Variants in HHAT observed in about 807,000 individuals in gnomAD.
HHAT encodes protein-cysteine N-palmitoyltransferase HHAT.
In HHAT, 47 loss-of-function variants were observed where a neutral mutation model predicts 70.8. The observed-to-expected ratio is 0.66, with a 90% CI of 0.53 to 0.85. The LOEUF is 0.85. Among genes scored for constraint, HHAT ranks in the 40% least tolerant of loss-of-function variants. The pLI is 0.00. For synonymous variants in HHAT, 228 were observed against 247.6 expected (o/e 0.92, Z 0.74); for missense variants, 609 against 604.8 (o/e 1.01, Z -0.07).
intron 11 of HHAT, among the ~76,000 whole-genome samples, chr1:210,659,023 AAG>A (rs1307817696): frequency 6.6e-6 from 1 of 152,006 alleles, no homozygotes; most frequent in Non-Finnish European, 1.5e-5. Flanking sequence ...TCACAATTAA[AAG>A]AACTAGAGAA....
intron 8 of HHAT, among the ~76,000 whole-genome samples, chr1:210,506,356 A>G (rs2094854396): frequency 6.6e-6 from 1 of 152,148 alleles, no homozygotes; most frequent in Non-Finnish European, 1.5e-5. Context: ...CGAACTTGGA[A>G]ACTTGAGGCT....
intron 9 of HHAT, among the ~76,000 whole-genome samples, chr1:210,523,395 A>T (rs55726579): frequency 0.12 from 18,280 of 152,176 alleles, 1,439 homozygotes; most frequent in South Asian, 0.25. Flanking sequence ...TTCTCTGTGC[A>T]GCCTTCCTCT....
chr1:210,656,116 A>T (rs1367834251), intron 11 of HHAT, among the ~76,000 whole-genome samples: 2 of 152,146 alleles, frequency 1.3e-5, no homozygotes, highest in Non-Finnish European at 2.9e-5. Context: ...ATCTCCTGTC[A>T]CTTCCATCCA....
At chr1:210,477,550 G>A (rs1417120820) in intron 8 of HHAT, among the ~76,000 whole-genome samples, 4 of 152,290 alleles carry the variant, frequency 2.6e-5, no homozygotes, top group African/African-American at 7.2e-5. Context: ...TTACATAGGA[G>A]AGCTGACCTA....
chr1:210,547,270 G>A (rs970779748), intron 9 of HHAT, among the ~76,000 whole-genome samples: 1 of 152,182 alleles, frequency 6.6e-6, no homozygotes, highest in African/African-American at 2.4e-5. Context: ...AGGTTGTGGT[G>A]AGCTGAGATC....
chr1:210,332,381 A>G (rs1253468586), intron 1 of HHAT, among the ~76,000 whole-genome samples: 2 of 152,254 alleles, frequency 1.3e-5, no homozygotes, highest in Non-Finnish European at 2.9e-5. Flanking sequence ...ACTGTATCAC[A>G]AAAAAACAAG....
At chr1:210,377,814 A>G (rs960338131) in intron 3 of HHAT, among the ~76,000 whole-genome samples, 1 of 152,178 alleles carries the variant, frequency 6.6e-6, no homozygotes, top group Non-Finnish European at 1.5e-5. Context: ...GAGGCTGGGA[A>G]TGGTACACAG....
intron 9 of HHAT, among the ~76,000 whole-genome samples, chr1:210,543,214 T>C (rs2095448359): frequency 6.6e-6 from 1 of 152,128 alleles, no homozygotes; most frequent in East Asian, 1.9e-4. Context: ...TAAATGTGGG[T>C]TAACAGAGGC....
intron 11 of HHAT, among the ~76,000 whole-genome samples, chr1:210,631,377 C>A (rs1670831369): frequency 6.6e-6 from 1 of 152,208 alleles, no homozygotes; most frequent in South Asian, 2.1e-4. Context: ...AAGAGTCAGA[C>A]CTTCCAGCCT....
chr1:210,516,250 C>T (rs1340248793), intron 9 of HHAT, among the ~76,000 whole-genome samples: 3 of 152,030 alleles, frequency 2.0e-5, no homozygotes, highest in Non-Finnish European at 4.4e-5. Context: ...GCAGCAGCTC[C>T]TTTAAGAAGA....
At chr1:210,471,470 T>C (rs79466560) in intron 8 of HHAT, among the ~76,000 whole-genome samples, 14,207 of 151,706 alleles carry the variant, frequency 0.094, 902 homozygotes, top group Middle Eastern at 0.17. Context: ...CAGACTTGGC[T>C]AGGAGAGAGG....
chr1:210,491,079 GTGTGTGTC>G (rs902348867), intron 8 of HHAT, among the ~76,000 whole-genome samples: 2 of 151,426 alleles, frequency 1.3e-5, no homozygotes, highest in African/African-American at 4.9e-5. Flanking sequence ...GTGTGTGTGT[GTGTGTGTC>G]TGTGTGTCTG....
At chr1:210,519,422 C>G (rs1178182344) in intron 9 of HHAT, among the ~76,000 whole-genome samples, 1 of 152,062 alleles carries the variant, frequency 6.6e-6, no homozygotes, top group East Asian at 1.9e-4. Flanking sequence ...TTTGAGGAAC[C>G]TCCAAACTGT....
Position 210,418,137 on chromosome 1 carries a change from T to C in HHAT, c.685-17T>C. On this transcript the variant is annotated splice_polypyrimidine_tract_variant and intron_variant, in intron 6 of 11. Coordinates refer to ENST00000261458, the MANE Select transcript of HHAT (RefSeq NM_018194.6). ...AATCAAGGCACCATCGAATGACCTC[T>C]TTTGTTTCCACTTTAGATGCAGCAG... is the stretch of plus-strand genomic sequence containing the variant. The C allele has an allele frequency of 1.9e-6, 3 of 1,613,954 alleles. No homozygotes were observed. Among genetic ancestry groups the C allele is most frequent in the Non-Finnish European group, 8.5e-7 (1 of 1,179,838 alleles).
intron 10 of HHAT, among the ~76,000 whole-genome samples, chr1:210,620,893 CTT>C (rs11393436): frequency 1.2e-4 from 17 of 147,060 alleles, no homozygotes; most frequent in East Asian, 2.0e-4. Flanking sequence ...ATGATTTTGA[CTT>C]TTTTTTTTTT....
At chr1:210,473,008 A>G (rs2094232758) in intron 8 of HHAT, among the ~76,000 whole-genome samples, 1 of 152,180 alleles carries the variant, frequency 6.6e-6, no homozygotes, top group Non-Finnish European at 1.5e-5. Context: ...TAGATGGCAA[A>G]TATATCCTCT....
Position 210,328,935 on chromosome 1 carries a change from G to T in HHAT, c.-213G>T, listed in dbSNP as rs2084734897. ...CGGCAGGGGCGTGCTCGGAGGACGC[G>T]CGCTGCGCTGCTCCTCCAAAGGGCA... On this transcript the variant is annotated 5_prime_UTR_variant, in exon 1 of 12. Transcript: ENST00000261458. 9.1e-7 allele frequency: 1 copy of T among 1,098,638 alleles called. No individual in the cohort carries two copies. Among genetic ancestry groups the T allele is most frequent in the African/African-American group, 1.6e-5 (1 of 61,430 alleles). 68.1% of individuals were successfully genotyped at this position (1,098,638 alleles called of 1,614,324 possible).
chr1:210,656,752 C>T (rs1388188646), intron 11 of HHAT, among the ~76,000 whole-genome samples: 1 of 152,186 alleles, frequency 6.6e-6, no homozygotes. Flanking sequence ...CCAGGCAGCT[C>T]TCATGCTTCT....
intron 1 of HHAT, among the ~76,000 whole-genome samples, chr1:210,340,155 C>T (rs1313667108): frequency 6.9e-6 from 1 of 144,852 alleles, no homozygotes; most frequent in Non-Finnish European, 1.5e-5. Context: ...GCCTGGGCAA[C>T]ATGGCAAAAC....
Sources: gnomAD v4.1 joint callset for allele counts (sites outside exome capture counted in the v4.1 genomes callset) on GRCh38, gnomAD v4.1.1 for gene constraint, MANE v1.5 for transcripts, NCBI Gene and HGNC (gene_info 2026-07-23, HGNC 2026-07-21) for gene names.